Variants in RUVBL2 observed in about 807,000 individuals in gnomAD.
The protein encoded by RUVBL2 is ruvB-like 2.
In RUVBL2, 9 loss-of-function variants were observed where a neutral mutation model predicts 57.9. That is an observed-to-expected ratio of 0.16 (90% CI 0.09 to 0.27). The LOEUF is 0.27. Ranked by LOEUF, RUVBL2 falls within the 10% of genes least tolerant of loss-of-function variation. RUVBL2 has a pLI of 1.00. For synonymous variants in RUVBL2, 278 were observed against 264.6 expected (o/e 1.05, Z -0.49); for missense variants, 456 against 669.6 (o/e 0.68, Z 3.52).
chr19:49,009,716 G>T (rs2039367231), intron 6 of RUVBL2, 60 bp from the exon 7 acceptor site: 2 of 1,414,046 alleles, frequency 1.4e-6, no homozygotes, highest in Non-Finnish European at 1.0e-6. Flanking sequence ...AACACTGGGG[G>T]CACTGGGGCA....
upstream of RUVBL2, chr19:48,993,861 G>T (rs2038995525): frequency 1.9e-6 from 3 of 1,613,266 alleles, no homozygotes; most frequent in African/African-American, 1.3e-5. Context: ...AGAACATCTC[G>T]CTCCTCGCGC....
intron 8 of RUVBL2, 60 bp from the exon 9 acceptor site, chr19:49,010,427 GC>G (rs1052002824): frequency 3.8e-6 from 6 of 1,580,636 alleles, no homozygotes; most frequent in South Asian, 2.2e-5. Flanking sequence ...GGCTTTAGGG[GC>G]CCCCTTCATG....
At chr19:49,008,621 G>C (rs1303867353) in intron 6 of RUVBL2, among the ~76,000 whole-genome samples, 1 of 151,786 alleles carries the variant, frequency 6.6e-6, no homozygotes, top group African/African-American at 2.4e-5. Flanking sequence ...TGAGGTGGGC[G>C]ATCACTTGAG....
Position 49,010,058 on chromosome 19 carries a change from G to A in RUVBL2, c.655G>A (p.Gly219Ser), listed in dbSNP as rs1217329462. 3 of 1,602,402 alleles carry A rather than the reference G, an allele frequency of 1.9e-6. No individual in the cohort carries two copies. Among genetic ancestry groups the A allele is most frequent in the African/African-American group, 1.3e-5 (1 of 74,468 alleles). Reference sequence around the variant, plus strand: ...ACGCGCCCGCGACTACGACGCTATGGGCTCCCAGGTGCGGCCGGGACTCCC... The same window carrying A: ...ACGCGCCCGCGACTACGACGCTATGAGCTCCCAGGTGCGGCCGGGACTCCC... ...FTRARDYDAM[G>S]SQTKFVQCPD... Residue 219 changes from glycine to serine, a missense_variant, in exon 8 of 15, where the codon GGC becomes AGC. By Grantham distance (56) the Gly-to-Ser change is moderately conservative. Around this residue, in one of 5 missense-constraint regions of RUVBL2, gnomAD observed 233 missense variants for 306.0 expected, o/e 0.76. Coordinates refer to ENST00000595090, the MANE Select transcript of RUVBL2 (RefSeq NM_006666.3).
chr19:49,013,688 G>A (rs1429330634), intron 11 of RUVBL2, among the ~76,000 whole-genome samples: 1 of 152,192 alleles, frequency 6.6e-6, no homozygotes, highest in African/African-American at 2.4e-5. Context: ...GCCGAGGTGG[G>A]TGGATCACGA....
chr19:49,010,983 C>A lies in RUVBL2; in HGVS notation c.788-16C>A. On this transcript the variant is annotated splice_polypyrimidine_tract_variant and intron_variant, in intron 9 of 14. Transcript: ENST00000595090. ...CTCCTCTCTGGCTTCCCTGATGCAA[C>A]CTGTGCCTCCCATAGGTGACACAGG... 6.2e-7 allele frequency: 1 copy of A among 1,606,282 alleles called. No individual in the cohort carries two copies. The highest frequency in any genetic ancestry group is 8.5e-7 in the Non-Finnish European group (1 of 1,176,810).
At chr19:49,005,682 C>T (rs1030494363) in intron 4 of RUVBL2, among the ~76,000 whole-genome samples, 2 of 151,302 alleles carry the variant, frequency 1.3e-5, no homozygotes, top group Non-Finnish European at 2.9e-5. Flanking sequence ...GTCGCTCAGG[C>T]TGGAGTGCAG....
rs1250301340 is a variant in RUVBL2, at chr19:49,010,498, T to C, written c.674T>C (p.Val225Ala). Residue 225 changes from valine to alanine, a missense_variant, in exon 9 of 15, where the codon GTG (valine) becomes GCG (alanine). Transcript: ENST00000595090. ...ACCCCCGCCCCATAGACCAAGTTCG[T>C]GCAGTGCCCAGATGGGGAGCTCCAG... Reference protein sequence around the residue: ...YDAMGSQTKFVQCPDGELQKR... With the variant: ...YDAMGSQTKFAQCPDGELQKR... 2 of 642,082 alleles carry C rather than the reference T, an allele frequency of 3.1e-6. No homozygotes were observed. The highest frequency in any genetic ancestry group is 5.4e-6 in the Non-Finnish European group (2 of 371,672). 39.8% of individuals were successfully genotyped at this position (642,082 alleles called of 1,614,324 possible). A position where few individuals can be genotyped will look rare whatever the true frequency, so the allele number is the denominator to read the frequency against.
chr19:49,010,227 T>G, intron 8 of RUVBL2, 161 bp downstream of exon 8: 1 of 765,294 alleles, frequency 1.3e-6, no homozygotes, highest in South Asian at 1.6e-5. Flanking sequence ...GCAGGGCCCC[T>G]CAGCCTGGCA....
At position 49,010,625 on chromosome 19, in the gene RUVBL2, T is replaced by C; in HGVS notation, c.787+14T>C. On this transcript the variant is annotated intron_variant, in intron 9 of 14. Coordinates refer to ENST00000595090, the MANE Select transcript of RUVBL2 (RefSeq NM_006666.3). ...CGCTCTTCTCAGGTGAGGCCCCTCC[T>C]GCCCTGCCCTGCCCTGCCCTGCCCC... 6.2e-7 allele frequency: 1 copy of C among 1,607,746 alleles called. No individual in the cohort carries two copies. The highest frequency in any genetic ancestry group is 1.4e-5 in the African/African-American group (1 of 73,082).
At chr19:49,014,402 A>T in intron 11 of RUVBL2, 82 bp from the exon 12 acceptor site, 1 of 1,522,642 alleles carries the variant, frequency 6.6e-7, no homozygotes, top group Non-Finnish European at 8.9e-7. Flanking sequence ...GTGGGTGGCG[A>T]TGGGAGGTGA....
In RUVBL2 at chr19:48,997,519, C is replaced by T. The variant is rs556921078; in HGVS notation, c.13-1800C>T. 9.2e-5 allele frequency among the ~76,000 whole-genome samples: 14 copies of T among 151,630 alleles called. No individual in the cohort carries two copies. The South Asian group carries it at 2.9e-3, about 32-fold the overall frequency. The stretch of plus-strand genomic sequence containing the variant: ...TGGCGGACACCTGTAATCCCAGCTA[C>T]TCGGGAGGCTGAGGCAGAAGAATCA... On this transcript the variant is annotated intron_variant, in intron 1 of 14. Coordinates refer to ENST00000595090, the MANE Select transcript of RUVBL2 (RefSeq NM_006666.3).
At chr19:49,002,450 C>A (rs1048616352) in intron 2 of RUVBL2, among the ~76,000 whole-genome samples, 2 of 152,172 alleles carry the variant, frequency 1.3e-5, no homozygotes, top group Non-Finnish European at 2.9e-5. Flanking sequence ...CTTCCCCTCT[C>A]GCTGGCTGTG....
intron 1 of RUVBL2, chr19:48,994,474 G>A (rs2039014078): frequency 6.4e-6 from 1 of 155,478 alleles, no homozygotes; most frequent in Non-Finnish European, 1.4e-5. Flanking sequence ...ATCTTGTCAT[G>A]CTACCGTTTT....
At chr19:49,000,211 G>A (rs1241179837) in intron 2 of RUVBL2, among the ~76,000 whole-genome samples, 2 of 152,226 alleles carry the variant, frequency 1.3e-5, no homozygotes, top group Non-Finnish European at 2.9e-5. Flanking sequence ...CAGTAAGGTA[G>A]TTCATATAAA....
chr19:49,015,885 T>G lies in RUVBL2; in HGVS notation c.*43T>G. ...GACCCCACCCTGTTTTCCACCAGAG[T>G]TCTGACACTGTGACTCTGTATAAAA... On this transcript the variant is annotated 3_prime_UTR_variant, in exon 15 of 15. Transcript: ENST00000595090. 1 of 1,614,102 alleles carries G rather than the reference T, an allele frequency of 6.2e-7. No individual in the cohort carries two copies. The highest frequency in any genetic ancestry group is 8.5e-7 in the Non-Finnish European group (1 of 1,179,986).
At chr19:49,000,152 T>G (rs1381083427) in intron 2 of RUVBL2, among the ~76,000 whole-genome samples, 1 of 152,242 alleles carries the variant, frequency 6.6e-6, no homozygotes, top group Non-Finnish European at 1.5e-5. Context: ...AGTTTCCTTA[T>G]CTGCAAGACG....
At chr19:48,998,695 CA>C (rs2039114725) in intron 1 of RUVBL2, among the ~76,000 whole-genome samples, 1 of 142,716 alleles carries the variant, frequency 7.0e-6, no homozygotes, top group African/African-American at 2.6e-5. Context: ...GGCGACAGAG[CA>C]GACTCCGTCT....
At chr19:49,006,006 G>A (rs973616311) in intron 4 of RUVBL2, among the ~76,000 whole-genome samples, 3 of 152,234 alleles carry the variant, frequency 2.0e-5, no homozygotes, top group Non-Finnish European at 4.4e-5. Context: ...CAGGCCTCCT[G>A]CAGGCCAAAC....
Sources: allele counts gnomAD v4.1 joint callset (sites outside exome capture counted in the v4.1 genomes callset), GRCh38; gene constraint gnomAD v4.1.1; regional missense constraint gnomAD v4.1.1; transcripts MANE v1.5; gene names NCBI Gene and HGNC (gene_info 2026-07-23, HGNC 2026-07-21).